Variants in NAV1 observed in about 807,000 individuals in gnomAD.
NAV1 encodes pore membrane and/or filament interacting like protein 3.
NAV1 carries 18 observed loss-of-function variants against 175.2 expected under a neutral mutation model. The ratio of observed to expected loss-of-function variants is 0.10; its 90% CI spans 0.07 to 0.15. NAV1 has a LOEUF of 0.15. Ranked by LOEUF, NAV1 falls within the 10% of genes least tolerant of loss-of-function variation. NAV1 has a pLI of 1.00. For synonymous variants in NAV1, 897 were observed against 978.7 expected (o/e 0.92, Z 1.56); for missense variants, 1,731 against 2,436.6 (o/e 0.71, Z 6.10).
intron 25 of NAV1, 57 bp from the exon 30 acceptor site, chr1:201,811,846 C>T (rs1678714709): frequency 6.2e-7 from 1 of 1,612,012 alleles, no homozygotes; most frequent in African/African-American, 1.3e-5. Context: ...GTGCATGTGG[C>T]AGAAAGCAAG....
At chr1:201,806,933 T>C (rs1404632521) in intron 17 of NAV1, among the ~76,000 whole-genome samples, 2 of 152,204 alleles carry the variant, frequency 1.3e-5, no homozygotes, top group African/African-American at 4.8e-5. Context: ...TTTTTCCTTC[T>C]TTTTTCTCAC....
chr1:201,767,628 A>T (rs1006943262), intron 3 of NAV1, among the ~76,000 whole-genome samples: 2 of 152,138 alleles, frequency 1.3e-5, no homozygotes, highest in African/African-American at 4.8e-5. Flanking sequence ...CCACATCTCA[A>T]TTGGGACTAG....
chr1:201,655,369 C>A (rs545305858), intron 1 of NAV1, among the ~76,000 whole-genome samples: 1 of 152,236 alleles, frequency 6.6e-6, no homozygotes, highest in Admixed American at 6.5e-5. Flanking sequence ...GCTGACCTCC[C>A]CCCACACCCT....
chr1:201,597,480 A>G (rs1238619357), intron 2 of NAV1, among the ~76,000 whole-genome samples: 1 of 152,244 alleles, frequency 6.6e-6, no homozygotes, highest in Non-Finnish European at 1.5e-5. Flanking sequence ...AGACTATCAC[A>G]TAATCTCCTA....
exon 7 of NAV1, chr1:201,783,720 C>T (rs1282956583): frequency 3.1e-6 from 5 of 1,614,078 alleles, no homozygotes; most frequent in Non-Finnish European, 4.2e-6. Context: ...CTCCAGATGC[C>T]AATGAGCCTC....
chr1:201,655,832 C>T (rs80252636), intron 1 of NAV1, among the ~76,000 whole-genome samples: 2,781 of 152,314 alleles, frequency 0.018, 83 homozygotes, highest in African/African-American at 0.063. Flanking sequence ...TGGTGCTTTG[C>T]ACCTTCTATA....
intron 3 of NAV1, among the ~76,000 whole-genome samples, chr1:201,756,105 CAA>C (rs768758177): frequency 4.8e-3 from 271 of 56,792 alleles, no homozygotes; most frequent in African/African-American, 0.016. Context: ...AACTCTGTCT[CAA>C]AAAAAAAAAA....
At chr1:201,624,914 G>A (rs1571851232) in intron 1 of NAV1, among the ~76,000 whole-genome samples, 1 of 152,328 alleles carries the variant, frequency 6.6e-6, no homozygotes, top group South Asian at 2.1e-4. Context: ...GGTGGGGGTA[G>A]GGAACCACTA....
intron 1 of NAV1, among the ~76,000 whole-genome samples, chr1:201,625,389 G>A (rs1358540104): frequency 1.3e-5 from 2 of 152,202 alleles, no homozygotes; most frequent in Non-Finnish European, 2.9e-5. Context: ...TTTCCAAAAA[G>A]TAGAGAGGAT....
At chr1:201,734,712 ACACT>A (rs1673039139) in intron 3 of NAV1, among the ~76,000 whole-genome samples, 2 of 152,052 alleles carry the variant, frequency 1.3e-5, no homozygotes, top group South Asian at 2.1e-4. Context: ...AAACACACAC[ACACT>A]CACACACACC....
At chr1:201,736,482 C>T (rs1200909236) in intron 3 of NAV1, among the ~76,000 whole-genome samples, 3 of 152,194 alleles carry the variant, frequency 2.0e-5, no homozygotes, top group Non-Finnish European at 4.4e-5. Context: ...AACTATCTTT[C>T]GATGTCTCTG....
At chr1:201,545,902 A>C (rs1402578637) in intron 1 of NAV1, among the ~76,000 whole-genome samples, 1 of 152,216 alleles carries the variant, frequency 6.6e-6, no homozygotes, top group Non-Finnish European at 1.5e-5. Flanking sequence ...TTTTTGGTAG[A>C]CTTCAAGCAT....
chr1:201,561,111 G>C (rs889381098), intron 1 of NAV1, among the ~76,000 whole-genome samples: 2 of 152,198 alleles, frequency 1.3e-5, no homozygotes, highest in African/African-American at 4.8e-5. Flanking sequence ...CTTGACCACA[G>C]CTTGCCTCTG....
chr1:201,758,507 C>G (rs2102625103), intron 3 of NAV1, among the ~76,000 whole-genome samples: 1 of 152,262 alleles, frequency 6.6e-6, no homozygotes, highest in African/African-American at 2.4e-5. Flanking sequence ...GGTTTGCAGG[C>G]TTTTTGAGGT....
chr1:201,808,906 G>C lies in NAV1; in HGVS notation c.4207+35G>C. ...TGGGAGAAGAATCTATAAGGGTGAA[G>C]GGAAGAAAAGGGCTTATTTCACTGT... On this transcript the variant is annotated intron_variant, in intron 20 of 29. Coordinates refer to ENST00000367296, the Ensembl canonical transcript of NAV1. The surrounding 1 kb of genome is among the most constrained non-coding windows in gnomAD (Gnocchi z 5.5). The C allele has an allele frequency of 6.3e-7, 1 of 1,585,708 alleles. No individual in the cohort carries two copies. The highest frequency in any genetic ancestry group is 8.6e-7 in the Non-Finnish European group (1 of 1,165,154).
At chr1:201,627,633 T>C (rs1668372720) in intron 1 of NAV1, among the ~76,000 whole-genome samples, 1 of 151,620 alleles carries the variant, frequency 6.6e-6, no homozygotes, top group African/African-American at 2.4e-5. Context: ...CCAGACGCTG[T>C]GCTTAGCTCT....
At chr1:201,726,070 A>T (rs1321905024) in intron 3 of NAV1, among the ~76,000 whole-genome samples, 1 of 152,258 alleles carries the variant, frequency 6.6e-6, no homozygotes, top group Non-Finnish European at 1.5e-5. Flanking sequence ...GCTTCATTGA[A>T]GATAATATCT....
At position 201,803,589 on chromosome 1, in the gene NAV1, C is replaced by T; in HGVS notation, c.3518-4C>T. 2 of 1,613,154 alleles carry T rather than the reference C, an allele frequency of 1.2e-6. No individual in the cohort carries two copies. Among genetic ancestry groups the T allele is most frequent in the South Asian group, 2.2e-5 (2 of 90,916 alleles). Reference sequence around the variant, plus strand: ...ATGTTTTTCCCACTTGTACTTGGCCCTAGAACTTCGGATCAAGAGACAAAA... The same window carrying T: ...ATGTTTTTCCCACTTGTACTTGGCCTTAGAACTTCGGATCAAGAGACAAAA... On this transcript the variant is annotated splice_polypyrimidine_tract_variant and splice_region_variant and intron_variant, in intron 15 of 29. Coordinates refer to ENST00000367296, the Ensembl canonical transcript of NAV1.
chr1:201,766,894 C>T (rs1263946086), intron 3 of NAV1, among the ~76,000 whole-genome samples: 1 of 152,062 alleles, frequency 6.6e-6, no homozygotes, highest in Non-Finnish European at 1.5e-5. Flanking sequence ...GCGATCTCAG[C>T]TCACTGCAAC....
Sources: gnomAD v4.1 joint callset for allele counts (sites outside exome capture counted in the v4.1 genomes callset) on GRCh38, gnomAD v4.1.1 for gene constraint, Gnocchi (gnomAD v3.1) non-coding constraint, MANE v1.5 for transcripts, NCBI Gene and HGNC (gene_info 2026-07-23, HGNC 2026-07-21) for gene names.